Variants in WDR27 observed in about 807,000 individuals in gnomAD.
WDR27 encodes WD repeat-containing protein 27.
In WDR27, 100 loss-of-function variants were observed where a neutral mutation model predicts 114.4. The ratio of observed to expected loss-of-function variants is 0.87; its 90% CI spans 0.74 to 1.03. The LOEUF (loss-of-function observed/expected upper bound fraction) is 1.03, where lower values mean the gene tolerates loss of function less well. Ranked by LOEUF, WDR27 falls within the 50% of genes least tolerant of loss-of-function variation. WDR27 has a pLI of 0.00. For synonymous variants in WDR27, 449 were observed against 423.1 expected (o/e 1.06, Z -0.75); for missense variants, 1,129 against 1,092.9 (o/e 1.03, Z -0.47).
chr6:169,634,335 T>C (rs1410355333), intron 20 of WDR27, 93 bp downstream of exon 20: 4 of 864,684 alleles, frequency 4.6e-6, no homozygotes, highest in Admixed American at 5.2e-5. Flanking sequence ...CCCCACACAA[T>C]GCCTGACACT....
intron 13 of WDR27, among the ~76,000 whole-genome samples, chr6:169,655,250 G>C (rs560777236): frequency 2.2e-4 from 33 of 152,378 alleles, no homozygotes; most frequent in Non-Finnish European, 3.8e-4. Flanking sequence ...TGCTGCTGGA[G>C]TAACCTCTGG....
intron 24 of WDR27, among the ~76,000 whole-genome samples, chr6:169,578,150 C>T (rs1802755581): frequency 1.3e-5 from 2 of 152,176 alleles, no homozygotes; most frequent in South Asian, 2.1e-4. Context: ...AAACGCAGGT[C>T]CTTCTGAGAT....
chr6:169,696,132 C>T (rs755077663), intron 1 of WDR27, among the ~76,000 whole-genome samples: 30 of 152,326 alleles, frequency 2.0e-4, no homozygotes, highest in Non-Finnish European at 3.7e-4. Context: ...AATTAACAAA[C>T]GAATACAAGT....
At chr6:169,556,866 T>C (rs926446) in intron 25 of WDR27, among the ~76,000 whole-genome samples, 150,534 of 152,280 alleles carry the variant, frequency 0.99, 74,409 homozygotes, top group East Asian at 1. Context: ...ATGAAAATAC[T>C]ACTCCGCAAC....
chr6:169,659,404 T>A lies in WDR27; in HGVS notation c.1197+47A>T. On this transcript the variant is annotated intron_variant, in intron 11 of 25. Transcript: ENST00000448612. This position sits in a 1 kb window ranked among gnomAD's most constrained non-coding sequence, Gnocchi z 4.3. ...AGGATCACTCTGAAGAAAGAAGAAA[T>A]CAGAGGCACGTCTCATAGACAGGGA... 1 of 1,596,488 alleles carries A rather than the reference T, an allele frequency of 6.3e-7. No individual in the cohort carries two copies. The highest frequency in any genetic ancestry group is 8.5e-7 in the Non-Finnish European group (1 of 1,170,670).
At chr6:169,527,158 T>A (rs1795052958) in intron 25 of WDR27, among the ~76,000 whole-genome samples, 1 of 151,844 alleles carries the variant, frequency 6.6e-6, no homozygotes, top group Non-Finnish European at 1.5e-5. Context: ...CACAAATAAT[T>A]GAAAAGATAT....
At chr6:169,511,694 C>T (rs949305485) in intron 25 of WDR27, among the ~76,000 whole-genome samples, 5 of 148,758 alleles carry the variant, frequency 3.4e-5, no homozygotes, top group Non-Finnish European at 6.0e-5. Context: ...TGGCCTTTTA[C>T]AAAAAAAAAA....
At chr6:169,553,243 C>G (rs1489527397) in intron 25 of WDR27, among the ~76,000 whole-genome samples, 1 of 152,096 alleles carries the variant, frequency 6.6e-6, no homozygotes, top group Non-Finnish European at 1.5e-5. Flanking sequence ...GGCCCCTGCT[C>G]TAGGGAGCCG....
chr6:169,589,002 G>A (rs1452847509), intron 23 of WDR27, among the ~76,000 whole-genome samples: 1 of 152,190 alleles, frequency 6.6e-6, no homozygotes, highest in Non-Finnish European at 1.5e-5. Context: ...TCACTAGGCT[G>A]CCAAAGACAA....
At chr6:169,683,395 G>C (rs1454085554) in intron 2 of WDR27, among the ~76,000 whole-genome samples, 1 of 151,998 alleles carries the variant, frequency 6.6e-6, no homozygotes, top group African/African-American at 2.4e-5. Context: ...AGAAGTGAGG[G>C]GAGGCAGTGA....
chr6:169,666,327 A>C, intron 6 of WDR27: 4 of 932,536 alleles, frequency 4.3e-6, no homozygotes, highest in Non-Finnish European at 5.1e-6. Context: ...CTCAGAAAGA[A>C]TGTTAAATCT....
intron 21 of WDR27, among the ~76,000 whole-genome samples, chr6:169,626,124 G>A (rs918613784): frequency 2.0e-5 from 3 of 152,328 alleles, no homozygotes; most frequent in African/African-American, 7.2e-5. Context: ...TAACCCGAAT[G>A]GGGTTCTGAA....
chr6:169,611,020 C>T (rs1248732337), intron 22 of WDR27, among the ~76,000 whole-genome samples: 6 of 152,022 alleles, frequency 3.9e-5, no homozygotes, highest in Non-Finnish European at 8.8e-5. Flanking sequence ...AACCAAAAGC[C>T]ACTTGTACCC....
intron 25 of WDR27, among the ~76,000 whole-genome samples, chr6:169,548,258 A>G (rs1797701125): frequency 8.5e-6 from 1 of 117,938 alleles, no homozygotes; most frequent in Non-Finnish European, 1.9e-5. Flanking sequence ...GTTCTTCCCA[A>G]TTCGATCTAC....
At chr6:169,564,337 TG>T (rs1302764706) in intron 25 of WDR27, among the ~76,000 whole-genome samples, 3 of 152,164 alleles carry the variant, frequency 2.0e-5, no homozygotes, top group Non-Finnish European at 4.4e-5. Context: ...ACATTGAGGG[TG>T]GGCCTGCCTT....
At chr6:169,666,338 T>C (rs1827815077) in intron 6 of WDR27, 1 of 958,740 alleles carries the variant, frequency 1.0e-6, no homozygotes, top group African/African-American at 1.8e-5. Flanking sequence ...TGTTAAATCT[T>C]TGAGAAGATA....
Position 169,661,151 on chromosome 6 carries a change from C to A in WDR27, c.1026-385G>T, listed in dbSNP as rs996760127. Among the ~76,000 whole-genome samples the A allele has an allele frequency of 9.2e-5, 14 of 152,260 alleles. 1 individual carries two copies. Among genetic ancestry groups the A allele is most frequent in the African/African-American group, 3.1e-4 (13 of 41,476 alleles). On this transcript the variant is annotated intron_variant, in intron 9 of 25. Transcript: ENST00000448612. The stretch of plus-strand genomic sequence containing the variant: ...GTGCCACCAACGCATTTGTGGTGAT[C>A]CCCTGGGCACCTGCTAATGTCTGTG...
intron 25 of WDR27, among the ~76,000 whole-genome samples, chr6:169,526,420 C>G (rs1328391513): frequency 6.6e-6 from 1 of 152,094 alleles, no homozygotes; most frequent in African/African-American, 2.4e-5. Context: ...CAAGACCAGC[C>G]TGGCCAACAT....
chr6:169,662,045 G>C (rs1826287472), intron 9 of WDR27, among the ~76,000 whole-genome samples: 1 of 152,200 alleles, frequency 6.6e-6, no homozygotes, highest in Admixed American at 6.5e-5. Context: ...TTGTATCACA[G>C]AGGCAAAGAT....
Sources: gnomAD v4.1 joint callset for allele counts (sites outside exome capture counted in the v4.1 genomes callset) on GRCh38, gnomAD v4.1.1 for gene constraint, Gnocchi (gnomAD v3.1) non-coding constraint, MANE v1.5 for transcripts, NCBI Gene and HGNC (gene_info 2026-07-23, HGNC 2026-07-21) for gene names.